Variants in COMMD1 observed in about 807,000 individuals in gnomAD.
COMMD1 encodes copper metabolism domain containing 1.
COMMD1 carries 10 observed loss-of-function variants against 17.2 expected under a neutral mutation model. The observed-to-expected ratio is 0.58, with a 90% confidence interval of 0.36 to 0.99. The LOEUF is 0.99. COMMD1 is among the 50% of genes least tolerant of loss of function. The pLI is 0.01. For missense variants in COMMD1, 270 were observed against 231.8 expected (o/e 1.17, Z -1.07); for synonymous variants, 97 against 91.6 (o/e 1.06, Z -0.34).
In COMMD1 at chr2:62,134,766, G is replaced by A. The variant is rs149494476; in HGVS notation, c.463-1065G>A. On this transcript the variant is annotated intron_variant, in intron 2 of 2. Coordinates refer to ENST00000311832, the MANE Select transcript of COMMD1 (RefSeq NM_152516.4). ...GCACTCCAGCCTGGAAACAGAGGGG[G>A]AAAAAAATCTTATTTTTTGATATCT... is the stretch of plus-strand genomic sequence containing the variant. Among the ~76,000 whole-genome samples the A allele has an allele frequency of 5.0e-3, 762 of 151,964 alleles. 10 individuals carry two copies. The highest frequency in any genetic ancestry group is 0.017 in the African/African-American group (692 of 41,456).
At chr2:62,127,159 C>G (rs1391100726) in intron 2 of COMMD1, among the ~76,000 whole-genome samples, 1 of 152,072 alleles carries the variant, frequency 6.6e-6, no homozygotes, top group South Asian at 2.1e-4. Flanking sequence ...CCTAAGAGTA[C>G]AGCTAACAAG....
chr2:61,998,304 G>A (rs1668823895), intron 1 of COMMD1, among the ~76,000 whole-genome samples: 1 of 150,890 alleles, frequency 6.6e-6, no homozygotes, highest in African/African-American at 2.4e-5. Flanking sequence ...CCAGGCTGAG[G>A]CTGGAAGTGC....
intron 2 of COMMD1, among the ~76,000 whole-genome samples, chr2:62,080,519 T>A (rs1208512573): frequency 6.6e-6 from 1 of 152,000 alleles, no homozygotes; most frequent in Admixed American, 6.6e-5. Flanking sequence ...TGTAATTGAC[T>A]TCCAGCAGAG....
chr2:61,942,489 C>T (rs1261197551), intron 1 of COMMD1, among the ~76,000 whole-genome samples: 1 of 151,006 alleles, frequency 6.6e-6, no homozygotes, highest in African/African-American at 2.4e-5. Context: ...GATCTGCCTG[C>T]TTTGGCCTCC....
At chr2:62,032,817 C>G (rs1669945000) in intron 2 of COMMD1, among the ~76,000 whole-genome samples, 1 of 152,100 alleles carries the variant, frequency 6.6e-6, no homozygotes, top group African/African-American at 2.4e-5. Context: ...GTTGTCTAGG[C>G]TGGAGTGCAA....
At chr2:61,985,271 C>T (rs1435638933) in intron 1 of COMMD1, among the ~76,000 whole-genome samples, 9 of 152,068 alleles carry the variant, frequency 5.9e-5, no homozygotes, top group African/African-American at 1.9e-4. Flanking sequence ...AGGATGGTCT[C>T]GATCTCCTGA....
chr2:62,014,489 TAA>T (rs1166082185), intron 2 of COMMD1, among the ~76,000 whole-genome samples: 1 of 134,506 alleles, frequency 7.4e-6, no homozygotes, highest in Admixed American at 7.7e-5. Flanking sequence ...CTTTAGTACT[TAA>T]AAAAAAAAAA....
At chr2:61,935,013 G>A (rs181538345) in intron 1 of COMMD1, among the ~76,000 whole-genome samples, 267 of 152,346 alleles carry the variant, frequency 1.8e-3, no homozygotes, top group African/African-American at 5.4e-3. Flanking sequence ...CATGGAAGAT[G>A]TGGGTGTTCA....
chr2:62,012,906 A>C (rs542357525), intron 2 of COMMD1, among the ~76,000 whole-genome samples: 2 of 152,270 alleles, frequency 1.3e-5, no homozygotes, highest in African/African-American at 4.8e-5. Context: ...TTCTTCTCTG[A>C]GGTGAGCTGA....
upstream of COMMD1, among the ~76,000 whole-genome samples, chr2:61,902,295 C>T (rs990886784): frequency 1.3e-5 from 2 of 151,696 alleles, no homozygotes; most frequent in African/African-American, 4.8e-5. Context: ...ATCACGAGGT[C>T]GGGAGTTCGA....
At position 62,112,864 on chromosome 2, in the gene COMMD1, AT is replaced by A. The variant is rs546891291; in HGVS notation, c.463-22957del. Among the ~76,000 whole-genome samples, 17 of 150,128 alleles carry A rather than the reference AT, an allele frequency of 1.1e-4. No individual in the cohort carries two copies. In the South Asian group the frequency reaches 1.9e-3, roughly 17 times the overall value. On this transcript the variant is annotated intron_variant, in intron 2 of 2. Coordinates refer to ENST00000311832, the MANE Select transcript of COMMD1 (RefSeq NM_152516.4). ...AATGATGGAGAAGGCTCACTTCCTG[AT>A]TTTTTTTTTAAGTAAAGAGAAAGGG...
At chr2:62,015,650 G>A (rs1254554557) in intron 2 of COMMD1, among the ~76,000 whole-genome samples, 2 of 145,648 alleles carry the variant, frequency 1.4e-5, no homozygotes, top group East Asian at 3.9e-4. Flanking sequence ...AGTACATGAA[G>A]TTTCCAGTTT....
At chr2:62,092,205 A>G (rs1671849728) in intron 2 of COMMD1, among the ~76,000 whole-genome samples, 2 of 152,222 alleles carry the variant, frequency 1.3e-5, no homozygotes, top group South Asian at 4.1e-4. Flanking sequence ...CCATTTAGAA[A>G]GTTATACCAA....
rs183072487 is a variant in COMMD1 at position 61,974,412 on chromosome 2, G to A, written c.181-26289G>A. On this transcript the variant is annotated intron_variant, in intron 1 of 2. Coordinates refer to ENST00000311832, the MANE Select transcript of COMMD1 (RefSeq NM_152516.4). ...TTTTTGGCCGGGCTCGGTGGCTCAC[G>A]CCTGTAATCCCAGCACTTTTGGAGG... Among the ~76,000 whole-genome samples the A allele has an allele frequency of 4.3e-4, 66 of 151,982 alleles. No homozygotes were observed. The East Asian group carries it at 0.011, about 26-fold the overall frequency.
In COMMD1 at chr2:62,000,733, G is replaced by T. The variant is rs1490647713; in HGVS notation, c.213G>T (p.Gln71His). 6.2e-7 allele frequency: 1 copy of T among 1,614,090 alleles called. No individual in the cohort carries two copies. Among genetic ancestry groups the T allele is most frequent in the South Asian group, 1.1e-5 (1 of 91,076 alleles). The change falls in exon 2 of 3, where the codon CAG (glutamine) becomes CAT (histidine). Residue 71 changes from glutamine to histidine, a missense_variant. By Grantham distance (24) the Gln-to-His change is conservative. Transcript: ENST00000311832. Reference sequence around the variant, plus strand: ...CGTCTGCAGACATGGATTTCAACCAGCTGGAGGCATTCTTGACTGCTCAAA... The same window carrying T: ...CGTCTGCAGACATGGATTTCAACCATCTGGAGGCATTCTTGACTGCTCAAA... ...SIASADMDFN[Q>H]LEAFLTAQTK...
At chr2:61,890,003 C>G (rs1311487082) in intron 1 of COMMD1, among the ~76,000 whole-genome samples, 1 of 152,078 alleles carries the variant, frequency 6.6e-6, no homozygotes, top group Non-Finnish European at 1.5e-5. Flanking sequence ...AAGCAGTATT[C>G]CAATACAAAG....
intron 2 of COMMD1, among the ~76,000 whole-genome samples, chr2:62,112,057 G>A (rs1573199672): frequency 6.6e-6 from 1 of 152,200 alleles, no homozygotes; most frequent in Non-Finnish European, 1.5e-5. Flanking sequence ...ACATCAACAA[G>A]TCTGCTATTT....
intron 1 of COMMD1, among the ~76,000 whole-genome samples, chr2:61,891,873 C>G (rs923440598): frequency 7.3e-5 from 11 of 150,292 alleles, no homozygotes; most frequent in Non-Finnish European, 1.5e-4. Context: ...GCTCTGTCAC[C>G]CAGGCTGGAG....
intron 1 of COMMD1, among the ~76,000 whole-genome samples, chr2:61,927,719 T>C (rs540762401): frequency 7.9e-5 from 12 of 152,020 alleles, no homozygotes; most frequent in Non-Finnish European, 4.4e-5. Context: ...TTTTGATTTG[T>C]AGCGTTGTCT....
Sources: gnomAD v4.1 joint callset for allele counts (sites outside exome capture counted in the v4.1 genomes callset) on GRCh38, gnomAD v4.1.1 for gene constraint, MANE v1.5 for transcripts, NCBI Gene and HGNC (gene_info 2026-07-23, HGNC 2026-07-21) for gene names.